The following RABGAP1L variants were observed in gnomAD, a reference collection of about 807,000 sequenced individuals.
RABGAP1L encodes RAB GTPase activating protein 1 like, also known as rab GTPase-activating protein 1-like.
RABGAP1L carries 63 observed loss-of-function variants against 137.7 expected under a neutral mutation model. The observed-to-expected ratio is 0.46, with a 90% confidence interval of 0.37 to 0.56. The LOEUF (loss-of-function observed/expected upper bound fraction) is 0.56. Ranked by LOEUF, RABGAP1L falls within the 20% of genes least tolerant of loss-of-function variation. The probability of loss-of-function intolerance (pLI) is 0.00; values close to 1 mark genes in which losing one functional copy is unlikely to be tolerated. For missense variants in RABGAP1L, 1,095 were observed against 1,244.0 expected (o/e 0.88, Z 1.80); for synonymous variants, 431 against 433.7 (o/e 0.99, Z 0.08).
At chr1:174,958,091 C>A (rs1668762219) in intron 20 of RABGAP1L, 1 of 1,516,384 alleles carries the variant, frequency 6.6e-7, no homozygotes, top group South Asian at 1.2e-5. Flanking sequence ...AAGACTGACA[C>A]AAGGATGTTT....
intron 13 of RABGAP1L, among the ~76,000 whole-genome samples, chr1:174,394,806 A>T (rs1227720246): frequency 6.6e-6 from 1 of 152,030 alleles, no homozygotes; most frequent in Non-Finnish European, 1.5e-5. Flanking sequence ...GATTTTTATA[A>T]TCAAGACTTT....
At chr1:174,753,964 T>G (rs535893708) in intron 18 of RABGAP1L, among the ~76,000 whole-genome samples, 1 of 152,328 alleles carries the variant, frequency 6.6e-6, no homozygotes, top group African/African-American at 2.4e-5. Flanking sequence ...CAGGACTACC[T>G]CTCTGGATAT....
intron 19 of RABGAP1L, among the ~76,000 whole-genome samples, chr1:174,834,653 G>A (rs950594617): frequency 3.7e-5 from 5 of 135,126 alleles, no homozygotes; most frequent in African/African-American, 1.4e-4. Context: ...ACATGCTGTT[G>A]GGATAATTGC....
intron 18 of RABGAP1L, among the ~76,000 whole-genome samples, chr1:174,809,946 C>T (rs1689710505): frequency 6.6e-6 from 1 of 152,188 alleles, no homozygotes; most frequent in African/African-American, 2.4e-5. Context: ...CATTCTCCAC[C>T]ACTTGTTGCT....
At chr1:174,762,467 G>A (rs1490841588) in intron 18 of RABGAP1L, among the ~76,000 whole-genome samples, 1 of 152,176 alleles carries the variant, frequency 6.6e-6, no homozygotes, top group Non-Finnish European at 1.5e-5. Flanking sequence ...GGAACTTTCT[G>A]TGCCTTCTGC....
chr1:174,859,953 C>CT (rs746676430), intron 19 of RABGAP1L, among the ~76,000 whole-genome samples: 1,225 of 94,824 alleles, frequency 0.013, 38 homozygotes, highest in African/African-American at 0.022. Context: ...TAGTCCAATG[C>CT]TTTTTTTTTT....
intron 13 of RABGAP1L, among the ~76,000 whole-genome samples, chr1:174,569,359 A>C (rs2148044102): frequency 6.6e-6 from 1 of 152,296 alleles, no homozygotes; most frequent in East Asian, 1.9e-4. Context: ...GACATGTGAC[A>C]GTCATAGCTC....
Position 174,472,470 on chromosome 1 carries a change from A to T in RABGAP1L, c.1710+78325A>T, listed in dbSNP as rs1658051877. Among the ~76,000 whole-genome samples the T allele has an allele frequency of 2.0e-5, 3 of 152,162 alleles. No individual in the cohort carries two copies. In the South Asian group the frequency reaches 6.2e-4, roughly 32 times the overall value. ...TTGGTGATTTGCTAGGACTAACAGG[A>T]CTCAGCATATAGTCCTCATTGCTAT... On this transcript the variant is annotated intron_variant, in intron 13 of 25. Coordinates refer to ENST00000681986, the MANE Select transcript of RABGAP1L (RefSeq NM_001366446.1).
chr1:174,504,388 C>T (rs1661624467), intron 13 of RABGAP1L, among the ~76,000 whole-genome samples: 1 of 150,232 alleles, frequency 6.7e-6, no homozygotes, highest in Non-Finnish European at 1.5e-5. Flanking sequence ...CTGTTTAGAC[C>T]CTGAATAGCC....
intron 13 of RABGAP1L, among the ~76,000 whole-genome samples, chr1:174,516,442 C>A (rs1662862211): frequency 6.6e-6 from 1 of 152,116 alleles, no homozygotes; most frequent in African/African-American, 2.4e-5. Flanking sequence ...TGGTCTTGAA[C>A]TCATGGCTTC....
At chr1:174,543,652 T>G (rs941008519) in intron 13 of RABGAP1L, among the ~76,000 whole-genome samples, 11 of 152,222 alleles carry the variant, frequency 7.2e-5, no homozygotes, top group East Asian at 3.8e-4. Context: ...GTTAGCTGGT[T>G]ATTTTGCTCG....
intron 1 of RABGAP1L, among the ~76,000 whole-genome samples, chr1:174,196,438 A>G (rs1339059018): frequency 6.6e-6 from 1 of 151,792 alleles, no homozygotes; most frequent in South Asian, 2.1e-4. Flanking sequence ...GTTAGCCAGG[A>G]TAGTCTCGAT....
chr1:174,309,426 T>C (rs1328822935), intron 11 of RABGAP1L, among the ~76,000 whole-genome samples: 1 of 152,102 alleles, frequency 6.6e-6, no homozygotes, highest in East Asian at 1.9e-4. Flanking sequence ...ATCCTTGTCT[T>C]GTTCTGAATC....
chr1:174,457,271 A>T (rs958266654), intron 13 of RABGAP1L, among the ~76,000 whole-genome samples: 2 of 152,194 alleles, frequency 1.3e-5, no homozygotes, highest in African/African-American at 4.8e-5. Context: ...GATTAGTACA[A>T]AAGTGTTGTG....
At chr1:174,983,494 G>A (rs1031749183) in intron 24 of RABGAP1L, among the ~76,000 whole-genome samples, 5 of 152,104 alleles carry the variant, frequency 3.3e-5, no homozygotes, top group Admixed American at 2.0e-4. Context: ...TAAACCAATG[G>A]ATTGGTATTC....
chr1:174,277,552 A>G (rs1030644681), intron 9 of RABGAP1L, among the ~76,000 whole-genome samples: 3 of 151,710 alleles, frequency 2.0e-5, no homozygotes, highest in African/African-American at 7.2e-5. Flanking sequence ...ATTCTGATTC[A>G]AAGTATACAT....
chr1:174,613,947 G>A (rs1671525094), intron 13 of RABGAP1L, among the ~76,000 whole-genome samples: 2 of 152,064 alleles, frequency 1.3e-5, no homozygotes, highest in Admixed American at 6.6e-5. Flanking sequence ...GAGCCTATGT[G>A]TGTCTCTGCA....
chr1:174,589,505 G>C (rs535997530), intron 13 of RABGAP1L, among the ~76,000 whole-genome samples: 2 of 152,160 alleles, frequency 1.3e-5, no homozygotes, highest in African/African-American at 4.8e-5. Context: ...GCTTGTGCTC[G>C]TGGGGTATTA....
chr1:174,492,670 C>T (rs1004148502), intron 13 of RABGAP1L, among the ~76,000 whole-genome samples: 1 of 151,992 alleles, frequency 6.6e-6, no homozygotes, highest in Non-Finnish European at 1.5e-5. Context: ...TCTTCAAATG[C>T]ACTGTATTCT....
Sources: allele counts gnomAD v4.1 joint callset (sites outside exome capture counted in the v4.1 genomes callset), GRCh38; gene constraint gnomAD v4.1.1; transcripts MANE v1.5; gene names NCBI Gene and HGNC (gene_info 2026-07-23, HGNC 2026-07-21).